The following PCDHGA2 variants were observed in gnomAD, a reference collection of about 807,000 sequenced individuals.
PCDHGA2 encodes the protein protocadherin gamma subfamily A, 2, also known as protocadherin gamma-A2.
In PCDHGA2, 40 loss-of-function variants were observed where a neutral mutation model predicts 59.2. The observed-to-expected ratio is 0.68, with a 90% CI of 0.52 to 0.88. PCDHGA2 has a LOEUF of 0.88. Among genes scored for constraint, PCDHGA2 ranks in the 40% least tolerant of loss-of-function variants. The probability of loss-of-function intolerance (pLI) is 0.00; values close to 1 mark genes in which losing one functional copy is unlikely to be tolerated. For synonymous variants in PCDHGA2, 560 were observed against 526.0 expected (o/e 1.06, Z -0.89); for missense variants, 1,226 against 1,204.0 (o/e 1.02, Z -0.27).
At chr5:141,471,942 A>G (rs1163887457) in intron 1 of PCDHGA2, among the ~76,000 whole-genome samples, 1 of 152,192 alleles carries the variant, frequency 6.6e-6, no homozygotes, top group Non-Finnish European at 1.5e-5. Flanking sequence ...AGAGTTTTCT[A>G]AAACTGGATT....
At position 141,431,363 on chromosome 5, in the gene PCDHGA2, C is replaced by T. The variant is rs765751691; in HGVS notation, c.2425-63444C>T. On this transcript the variant is annotated intron_variant, in intron 1 of 3. Transcript: ENST00000394576. The surrounding 1 kb of genome is among the most constrained non-coding windows in gnomAD (Gnocchi z 4.8). The stretch of plus-strand genomic sequence containing the variant: ...ATTGGTGCTGAAACGCGCCCTGGAC[C>T]GCGAAGAAAAGGCTGCTCACCACCT... 1 of 1,614,024 alleles carries T rather than the reference C, an allele frequency of 6.2e-7. No homozygotes were observed. The highest frequency in any genetic ancestry group is 2.2e-5 in the East Asian group (1 of 44,882).
In PCDHGA2 at chr5:141,504,261, A is replaced by AT. The variant is rs144925096; in HGVS notation, c.2484-1125dup. Among the ~76,000 whole-genome samples the AT allele has an allele frequency of 3.8e-3, 573 of 152,258 alleles. 3 individuals are homozygous for AT. The highest frequency in any genetic ancestry group is 0.012 in the African/African-American group (514 of 41,556). ...CAGAGAGTTCTTCTTATGGTTTAGT[A>AT]TTTTTTTAAATTATGAATCATTTCA... On this transcript the variant is annotated intron_variant, in intron 2 of 3. Transcript: ENST00000394576.
chr5:141,344,255 T>A, intron 1 of PCDHGA2: 1 of 1,614,042 alleles, frequency 6.2e-7, no homozygotes, highest in Non-Finnish European at 8.5e-7. Flanking sequence ...GGACGCAGCT[T>A]TTCTCTCTGA....
chr5:141,462,597 T>C (rs182073985), intron 1 of PCDHGA2, among the ~76,000 whole-genome samples: 1 of 152,320 alleles, frequency 6.6e-6, no homozygotes, highest in East Asian at 1.9e-4. Context: ...TTCCATTTCA[T>C]ATATTGTATT....
chr5:141,384,152 A>T (rs1588962194), intron 1 of PCDHGA2: 2 of 1,613,508 alleles, frequency 1.2e-6, no homozygotes, highest in Non-Finnish European at 1.7e-6. Flanking sequence ...CTCTCTTTGT[A>T]TAACATCACA....
intron 1 of PCDHGA2, chr5:141,400,041 G>T (rs1354740714): frequency 1.2e-6 from 2 of 1,613,566 alleles, no homozygotes; most frequent in South Asian, 2.2e-5. Context: ...GCCAGCGCCT[G>T]CTGGTTGCTG....
rs757797019 is a variant in PCDHGA2 at position 141,487,064 on chromosome 5, G to A, written c.2425-7743G>A. On this transcript the variant is annotated intron_variant, in intron 1 of 3. Transcript: ENST00000394576. The surrounding 1 kb of genome is among the most constrained non-coding windows in gnomAD (Gnocchi z 5.0). The stretch of plus-strand genomic sequence containing the variant: ...TCGATATGCTGGGGAGGTGCGGACG[G>A]CTGTTCCTATCCCAGCTGACCTCCC... 6.2e-6 allele frequency: 10 copies of A among 1,614,006 alleles called. No individual in the cohort carries two copies.
Position 141,486,000 on chromosome 5 carries a change from A to G in PCDHGA2, c.2425-8807A>G. 1 of 1,614,194 alleles carries G rather than the reference A, an allele frequency of 6.2e-7. No individual in the cohort carries two copies. Among genetic ancestry groups the G allele is most frequent in the Non-Finnish European group, 8.5e-7 (1 of 1,180,034 alleles). On this transcript the variant is annotated intron_variant, in intron 1 of 3. Transcript: ENST00000394576. The surrounding 1 kb of genome is among the most constrained non-coding windows in gnomAD (Gnocchi z 5.7). ...GACCCGGACCTGGGTCCCAGTGGTA[A>G]CGTCACCTTTTATTTCAGTGGTCAT...
chr5:141,372,028 A>G (rs1367060313), intron 1 of PCDHGA2: 2 of 1,613,362 alleles, frequency 1.2e-6, no homozygotes, highest in South Asian at 1.1e-5. Flanking sequence ...CTCAGCGCCA[A>G]CGTGAGCCTG....
chr5:141,360,994 C>A lies in PCDHGA2; in HGVS notation c.2424+19599C>A, dbSNP rs367799961. 3.1e-6 allele frequency: 5 copies of A among 1,613,358 alleles called. No individual in the cohort carries two copies. In the African/African-American group the frequency reaches 4.0e-5, roughly 13 times the overall value. On this transcript the variant is annotated intron_variant, in intron 1 of 3. Coordinates refer to ENST00000394576, the MANE Select transcript of PCDHGA2 (RefSeq NM_018915.4). ...CTACTCCTTTCATAATGTGGACGAA[C>A]AAGTGAAACACTTTTTCAACTTAAA... is the stretch of plus-strand genomic sequence containing the variant.
At chr5:141,422,786 C>T in intron 1 of PCDHGA2, 1 of 1,614,178 alleles carries the variant, frequency 6.2e-7, no homozygotes, top group Non-Finnish European at 8.5e-7. Context: ...GCCCTACAAT[C>T]CTTCGACTAT....
intron 1 of PCDHGA2, among the ~76,000 whole-genome samples, chr5:141,401,931 A>C: frequency 6.6e-6 from 1 of 152,352 alleles, no homozygotes; most frequent in Middle Eastern, 3.4e-3. Context: ...GATGCTTAGA[A>C]TAATGTTTAA....
At chr5:141,508,483 G>T (rs1186425031) in intron 3 of PCDHGA2, among the ~76,000 whole-genome samples, 2 of 152,154 alleles carry the variant, frequency 1.3e-5, no homozygotes, top group East Asian at 3.9e-4. Context: ...TTACATTCTG[G>T]ATTTCCATAT....
At chr5:141,375,620 A>T in intron 1 of PCDHGA2, 1 of 1,614,156 alleles carries the variant, frequency 6.2e-7, no homozygotes, top group African/African-American at 1.3e-5. Flanking sequence ...CGACACTGGG[A>T]TTCTGTACGC....
rs190948188 is a variant in PCDHGA2 at position 141,505,972 on chromosome 5, C to T, written c.2572+491C>T. Among the ~76,000 whole-genome samples the T allele has an allele frequency of 5.4e-4, 82 of 152,250 alleles. 1 individual carries two copies. The highest frequency in any genetic ancestry group is 1.9e-3 in the African/African-American group (79 of 41,558). ...GAAAGTGGGTGTAGAAATCCCCAGC[C>T]GAGAGAACACCTCCTCTTTATGCGA... On this transcript the variant is annotated intron_variant, in intron 3 of 3. Transcript: ENST00000394576.
chr5:141,490,730 A>C lies in PCDHGA2; in HGVS notation c.2425-4077A>C. On this transcript the variant is annotated intron_variant, in intron 1 of 3. Coordinates refer to ENST00000394576, the MANE Select transcript of PCDHGA2 (RefSeq NM_018915.4). This position sits in a 1 kb window ranked among gnomAD's most constrained non-coding sequence, Gnocchi z 5.4. ...CTCACCTACTCCATTGTAGGAAATC[A>C]GGTTCAGGGAGCCCCAGCCTCCTCC... 6.2e-7 allele frequency: 1 copy of C among 1,614,188 alleles called. No homozygotes were observed. Among genetic ancestry groups the C allele is most frequent in the Non-Finnish European group, 8.5e-7 (1 of 1,180,024 alleles).
At chr5:141,352,634 C>T (rs765189587) in intron 1 of PCDHGA2, 1 of 1,609,970 alleles carries the variant, frequency 6.2e-7, no homozygotes, top group South Asian at 1.1e-5. Context: ...TAATGAAGAT[C>T]ACAAAATCGC....
intron 1 of PCDHGA2, chr5:141,475,926 G>C: frequency 4.8e-6 from 3 of 619,440 alleles, no homozygotes; most frequent in East Asian, 2.9e-5. Context: ...GCTGGAGATC[G>C]GGCCCCTGCC....
chr5:141,419,368 C>T, intron 1 of PCDHGA2: 1 of 1,613,776 alleles, frequency 6.2e-7, no homozygotes, highest in Non-Finnish European at 8.5e-7. Context: ...CGCTGTCGTC[C>T]TACGTGTCCG....
Sources: gnomAD v4.1 joint callset for allele counts (sites outside exome capture counted in the v4.1 genomes callset) on GRCh38, gnomAD v4.1.1 for gene constraint, Gnocchi (gnomAD v3.1) non-coding constraint, MANE v1.5 for transcripts, NCBI Gene and HGNC (gene_info 2026-07-23, HGNC 2026-07-21) for gene names.